Variants in DENND4C observed in about 807,000 individuals in gnomAD.
The protein encoded by DENND4C is DENN domain-containing protein 4C.
In DENND4C, 108 loss-of-function variants were observed where a neutral mutation model predicts 203.0. The ratio of observed to expected loss-of-function variants is 0.53; its 90% CI spans 0.46 to 0.62. The LOEUF (loss-of-function observed/expected upper bound fraction) is 0.62. Among genes scored for constraint, DENND4C ranks in the 20% least tolerant of loss-of-function variants. The pLI, the probability that DENND4C is intolerant of heterozygous loss-of-function variation, is 0.00. For missense variants in DENND4C, 2,481 were observed against 2,301.2 expected (o/e 1.08, Z -1.60); for synonymous variants, 871 against 792.4 (o/e 1.10, Z -1.67).
intron 20 of DENND4C, chr9:19,337,548 G>A (rs981500704): frequency 2.7e-5 from 29 of 1,089,236 alleles, no homozygotes; most frequent in Non-Finnish European, 3.4e-5. Flanking sequence ...TTTTTGCTCT[G>A]TGCTGTTTCT....
rs762670670 is a variant in DENND4C, at chr9:19,316,855, A to G, written c.1807+16A>G. On this transcript the variant is annotated intron_variant, in intron 12 of 32. Coordinates refer to ENST00000434457, the MANE Select transcript of DENND4C (RefSeq NM_001330640.2). ...GACCGACAGGGTGAGTAGCATTGAA[A>G]GTACAATTCCTTTTATTGAGGTGAA... 31 of 1,582,480 alleles carry G rather than the reference A, an allele frequency of 2.0e-5. No homozygotes were observed. Among genetic ancestry groups the G allele is most frequent in the Non-Finnish European group, 2.7e-5 (31 of 1,165,028 alleles).
At chr9:19,306,723 A>T (rs547240055) in intron 10 of DENND4C, among the ~76,000 whole-genome samples, 4 of 151,516 alleles carry the variant, frequency 2.6e-5, no homozygotes, top group Non-Finnish European at 5.9e-5. Context: ...TTCTAAAATA[A>T]ATGTGAAGTG....
At position 19,350,770 on chromosome 9, in the gene DENND4C, G is replaced by C; in HGVS notation, c.4386G>C (p.Ser1462=). The C allele has an allele frequency of 1.2e-6, 2 of 1,613,708 alleles. No individual in the cohort carries two copies. Among genetic ancestry groups the C allele is most frequent in the Non-Finnish European group, 1.7e-6 (2 of 1,179,942 alleles). The change falls in exon 24 of 33, where the codon TCG becomes TCC. Residue 1462 remains serine (S), a synonymous_variant. Transcript: ENST00000434457. ...LEDHILGENI[S]PNTSISGLVP... ...ACCATATTTTGGGGGAGAATATATCGCCTAACACAAGTATCTCAGGGTTGG... is the reference window on the plus strand; with the variant it reads ...ACCATATTTTGGGGGAGAATATATCCCCTAACACAAGTATCTCAGGGTTGG...
intron 1 of DENND4C, among the ~76,000 whole-genome samples, chr9:19,251,015 T>A (rs1826438862): frequency 6.6e-6 from 1 of 152,214 alleles, no homozygotes; most frequent in African/African-American, 2.4e-5. Flanking sequence ...ACAGCTCCGC[T>A]AGGCAGCACC....
chr9:19,363,558 A>T lies in DENND4C; in HGVS notation c.5524+1595A>T, dbSNP rs1430666153. On this transcript the variant is annotated intron_variant, in intron 30 of 32. Transcript: ENST00000434457. ...ACTCTTATGTCCTCATGTAACCTTA[A>T]TTATTTATTTAAAGGCCTTATCTCC... is the stretch of plus-strand genomic sequence containing the variant. Among the ~76,000 whole-genome samples the T allele has an allele frequency of 3.9e-5, 6 of 152,132 alleles. No individual in the cohort carries two copies. The South Asian group carries it at 1.0e-3, about 26-fold the overall frequency.
intron 1 of DENND4C, among the ~76,000 whole-genome samples, chr9:19,246,319 G>T (rs12553328): frequency 0.067 from 10,272 of 152,202 alleles, 481 homozygotes; most frequent in South Asian, 0.16. Context: ...TTAAATTTAT[G>T]ACCACACATA....
At chr9:19,331,366 C>G (rs1237017538) in intron 16 of DENND4C, among the ~76,000 whole-genome samples, 1 of 151,996 alleles carries the variant, frequency 6.6e-6, no homozygotes. Context: ...CCATGCGCGG[C>G]TAATTTTTGT....
intron 1 of DENND4C, among the ~76,000 whole-genome samples, chr9:19,257,228 C>T (rs1000611602): frequency 6.6e-6 from 1 of 151,656 alleles, no homozygotes; most frequent in Non-Finnish European, 1.5e-5. Flanking sequence ...CGGTGGCTTG[C>T]ACCTGTAATC....
At chr9:19,233,037 TA>T (rs5896836) in intron 1 of DENND4C, among the ~76,000 whole-genome samples, 376 of 141,608 alleles carry the variant, frequency 2.7e-3, no homozygotes, top group African/African-American at 4.0e-3. Context: ...GCTGCCTGAT[TA>T]AAAAAAAAAA....
In DENND4C at chr9:19,358,549, A is replaced by C. The variant is rs111345029; in HGVS notation, c.5160+389A>C. On this transcript the variant is annotated intron_variant, in intron 28 of 32. Transcript: ENST00000434457. This position sits in a 1 kb window ranked among gnomAD's most constrained non-coding sequence, Gnocchi z 4.8. ...ACACTGCTTTTATCATACAAAAAAAACCCCAAATAATAGTATCAAGTTATT... is the reference window on the plus strand; with the variant it reads ...ACACTGCTTTTATCATACAAAAAAACCCCCAAATAATAGTATCAAGTTATT... Among the ~76,000 whole-genome samples the C allele has an allele frequency of 1.2e-3, 179 of 151,998 alleles. 3 individuals are homozygous for C. The highest frequency in any genetic ancestry group is 4.0e-3 in the African/African-American group (165 of 41,312).
intron 15 of DENND4C, among the ~76,000 whole-genome samples, chr9:19,327,391 G>A (rs1818047389): frequency 6.6e-6 from 1 of 151,882 alleles, no homozygotes; most frequent in Non-Finnish European, 1.5e-5. Context: ...TAGAATGTAT[G>A]TTTAAGTATA....
At chr9:19,238,083 CTTTT>C (rs539266824) in intron 1 of DENND4C, among the ~76,000 whole-genome samples, 4 of 138,398 alleles carry the variant, frequency 2.9e-5, no homozygotes, top group Non-Finnish European at 4.7e-5. Flanking sequence ...TTCTTTCTTT[CTTTT>C]TTTTTTTTTT....
chr9:19,271,056 TC>T (rs1831544350), intron 1 of DENND4C, among the ~76,000 whole-genome samples: 1 of 152,116 alleles, frequency 6.6e-6, no homozygotes. Flanking sequence ...CTCAGAAACA[TC>T]GCTGAAAAAA....
intron 30 of DENND4C, among the ~76,000 whole-genome samples, chr9:19,368,581 G>T (rs1204336560): frequency 2.0e-5 from 3 of 152,156 alleles, no homozygotes; most frequent in Non-Finnish European, 4.4e-5. Flanking sequence ...AGGATCACTT[G>T]GGACCAGGAG....
rs1484588776 is a variant in DENND4C at position 19,357,031 on chromosome 9, C to T, written c.4841C>T (p.Ala1614Val). Residue 1614 changes from alanine to valine, a missense_variant, in exon 27 of 33, where the codon GCA becomes GTA. Coordinates refer to ENST00000434457, the MANE Select transcript of DENND4C (RefSeq NM_001330640.2). ...DSLQSGSIPL[A>V]NESLEHKPVS... is the part of the protein sequence containing the mutation. ...TTACAAAGTGGAAGCATTCCATTGGCAAATGAATCCTTGGAGCACAAACCT... is the reference window on the plus strand; with the variant it reads ...TTACAAAGTGGAAGCATTCCATTGGTAAATGAATCCTTGGAGCACAAACCT... 6 of 1,613,952 alleles carry T rather than the reference C, an allele frequency of 3.7e-6. No homozygotes were observed. The South Asian group carries it at 6.6e-5, about 18-fold the overall frequency.
chr9:19,360,201 A>T (rs1169482053), intron 28 of DENND4C, 43 bp from the exon 29 acceptor site: 2 of 1,587,012 alleles, frequency 1.3e-6, no homozygotes, highest in East Asian at 4.5e-5. Flanking sequence ...GAGCATACAG[A>T]TTTAAACAGA....
In DENND4C at chr9:19,346,569, A is replaced by G. The variant is rs760639408; in HGVS notation, c.3800A>G (p.Asp1267Gly). Reference sequence around the variant, plus strand: ...GAATGTACAGGAGGAAAAACTCCTGATTCTGAAGATAAGTTGTTTTCTCCA... The same window carrying G: ...GAATGTACAGGAGGAAAAACTCCTGGTTCTGAAGATAAGTTGTTTTCTCCA... Reference protein sequence around the residue: ...ATECTGGKTPDSEDKLFSPVI... With the variant: ...ATECTGGKTPGSEDKLFSPVI... Residue 1267 changes from aspartate (D) to glycine (G), a missense_variant, in exon 23 of 33, where the codon GAT becomes GGT. By Grantham distance (94) the Asp-to-Gly change is moderately conservative. Coordinates refer to ENST00000434457, the MANE Select transcript of DENND4C (RefSeq NM_001330640.2). 11 of 1,614,198 alleles carry G rather than the reference A, an allele frequency of 6.8e-6. No individual in the cohort carries two copies. The highest frequency in any genetic ancestry group is 8.5e-6 in the Non-Finnish European group (10 of 1,180,036).
intron 2 of DENND4C, among the ~76,000 whole-genome samples, chr9:19,283,117 G>T (rs1211470190): frequency 1.3e-5 from 2 of 151,850 alleles, no homozygotes. Context: ...ATTCTGCATT[G>T]GCCCCTTAAA....
At chr9:19,246,495 T>G (rs1319461793) in intron 1 of DENND4C, among the ~76,000 whole-genome samples, 1 of 152,178 alleles carries the variant, frequency 6.6e-6, no homozygotes, top group Non-Finnish European at 1.5e-5. Flanking sequence ...CCTCCCACCT[T>G]GGCTTCCCAA....
Sources: allele counts gnomAD v4.1 joint callset (sites outside exome capture counted in the v4.1 genomes callset), GRCh38; gene constraint gnomAD v4.1.1; non-coding constraint Gnocchi (gnomAD v3.1); transcripts MANE v1.5; gene names NCBI Gene and HGNC (gene_info 2026-07-23, HGNC 2026-07-21).